The following EPAS1 variants were observed in gnomAD, a reference collection of about 807,000 sequenced individuals.
EPAS1 encodes the protein endothelial PAS domain protein 1, also known as endothelial PAS domain-containing protein 1.
In EPAS1, 23 loss-of-function variants were observed where a neutral mutation model predicts 87.9. That is an observed-to-expected ratio of 0.26 (90% CI 0.19 to 0.37). The LOEUF (loss-of-function observed/expected upper bound fraction) is 0.37, where lower values mean the gene tolerates loss of function less well. Among genes scored for constraint, EPAS1 ranks in the 10% least tolerant of loss-of-function variants. The pLI is 1.00. For missense variants in EPAS1, 1,138 were observed against 1,120.7 expected (o/e 1.02, Z -0.22); for synonymous variants, 508 against 444.3 (o/e 1.14, Z -1.80).
chr2:46,341,878 A>G (rs73926264), intron 1 of EPAS1, among the ~76,000 whole-genome samples: 2,075 of 152,318 alleles, frequency 0.014, 45 homozygotes, highest in African/African-American at 0.045. Flanking sequence ...ATCTGGCCCC[A>G]GTGCTCAATA....
At chr2:46,335,062 T>G (rs975979310) in intron 1 of EPAS1, among the ~76,000 whole-genome samples, 3 of 152,166 alleles carry the variant, frequency 2.0e-5, no homozygotes, top group African/African-American at 7.2e-5. Flanking sequence ...CTTTCTTTGC[T>G]TTCCTTTTTT....
chr2:46,375,711 T>C lies in EPAS1; in HGVS notation c.908T>C (p.Val303Ala). 1 of 1,614,142 alleles carries C rather than the reference T, an allele frequency of 6.2e-7. No homozygotes were observed. ...CTAGTGTGCACCAAGGGTCAGGTAGTAAGTGGCCAGTACCGGATGCTCGCA... is the reference window on the plus strand; with the variant it reads ...CTAGTGTGCACCAAGGGTCAGGTAGCAAGTGGCCAGTACCGGATGCTCGCA... ...HQNLCTKGQVVSGQYRMLAKH... is the reference protein window; with the variant it reads ...HQNLCTKGQVASGQYRMLAKH... Residue 303 changes from valine (V) to alanine (A), a missense_variant, in exon 8 of 16, where the codon GTA becomes GCA. Val to Ala is a moderately conservative substitution (Grantham distance 64). Around this residue, in one of 4 missense-constraint regions of EPAS1, gnomAD observed 351 missense variants for 417.1 expected, o/e 0.84. Transcript: ENST00000263734. The surrounding 1 kb of genome is among the most constrained non-coding windows in gnomAD (Gnocchi z 4.1).
chr2:46,337,057 A>G lies in EPAS1; in HGVS notation c.27-9816A>G, dbSNP rs115451372. On this transcript the variant is annotated intron_variant, in intron 1 of 15. Transcript: ENST00000263734. ...GGGTTAGAATTCTTAGGAAAGATCT[A>G]GAACAGTGAGCAGCTTTGAGGAATC... Among the ~76,000 whole-genome samples, 1,059 of 152,376 alleles carry G rather than the reference A, an allele frequency of 6.9e-3. 7 individuals carry two copies. The highest frequency in any genetic ancestry group is 0.011 in the Non-Finnish European group (734 of 68,028).
chr2:46,356,320 C>T lies in EPAS1; in HGVS notation c.369+18C>T, dbSNP rs756841597. The T allele has an allele frequency of 5.6e-6, 9 of 1,614,002 alleles. No individual in the cohort carries two copies. Among genetic ancestry groups the T allele is most frequent in the Non-Finnish European group, 6.8e-6 (8 of 1,179,964 alleles). On this transcript the variant is annotated intron_variant, in intron 3 of 15. Transcript: ENST00000263734. ...TTACACAGGTGACACCCTCCTCTAT[C>T]TCTTTCAAAAGAAGAAATGTTTCCA... is the stretch of plus-strand genomic sequence containing the variant.
At chr2:46,344,051 G>T (rs897081156) in intron 1 of EPAS1, among the ~76,000 whole-genome samples, 1 of 152,232 alleles carries the variant, frequency 6.6e-6, no homozygotes, top group Admixed American at 6.5e-5. Flanking sequence ...TTGGCTTTGT[G>T]ACATTGGGCA....
chr2:46,349,389 CAT>C (rs1242873877), intron 2 of EPAS1, among the ~76,000 whole-genome samples: 4 of 152,200 alleles, frequency 2.6e-5, no homozygotes, highest in African/African-American at 9.7e-5. Context: ...TGTGAGCCCT[CAT>C]GTGCTGATGG....
rs541953867 is a variant in EPAS1, at chr2:46,355,049, C to T, written c.218-1102C>T. ...CACCCCAAAGCGACCCCCTCGTCCT[C>T]TGACCCCTTAGAGCTCTTCCCATCT... is the stretch of plus-strand genomic sequence containing the variant. On this transcript the variant is annotated intron_variant, in intron 2 of 15. Coordinates refer to ENST00000263734, the MANE Select transcript of EPAS1 (RefSeq NM_001430.5). Among the ~76,000 whole-genome samples the T allele has an allele frequency of 2.0e-5, 3 of 152,084 alleles. No individual in the cohort carries two copies. In the South Asian group the frequency reaches 6.2e-4, roughly 32 times the overall value.
chr2:46,384,851 A>G lies in EPAS1; in HGVS notation c.*191A>G. 2.9e-6 allele frequency: 2 copies of G among 680,976 alleles called. No individual in the cohort carries two copies. The highest frequency in any genetic ancestry group is 4.9e-6 in the Non-Finnish European group (2 of 406,594). 42.2% of individuals were successfully genotyped at this position (680,976 alleles called of 1,614,324 possible). A position where few individuals can be genotyped will look rare whatever the true frequency, so the allele number is the denominator to read the frequency against. ...TGCTCACTTTATTATCCCTATTTTT[A>G]AAGTACACAATTGTTTTACCTGTTC... On this transcript the variant is annotated 3_prime_UTR_variant, in exon 16 of 16. Transcript: ENST00000263734.
Position 46,347,128 on chromosome 2 carries a change from G to A in EPAS1, c.217+65G>A. 1 of 1,591,778 alleles carries A rather than the reference G, an allele frequency of 6.3e-7. No individual in the cohort carries two copies. Among genetic ancestry groups the A allele is most frequent in the Non-Finnish European group, 8.6e-7 (1 of 1,160,282 alleles). On this transcript the variant is annotated intron_variant, in intron 2 of 15. Transcript: ENST00000263734. The surrounding 1 kb of genome is among the most constrained non-coding windows in gnomAD (Gnocchi z 4.2). The stretch of plus-strand genomic sequence containing the variant: ...CCTTACCAGCATGTTCCTATATGCA[G>A]GGGACCCTTCTGCTGCCAGAGCTGG...
rs1021241552 is a variant in EPAS1 at position 46,380,089 on chromosome 2, T to G, written c.1555-138T>G. 1 of 1,424,622 alleles carries G rather than the reference T, an allele frequency of 7.0e-7. No homozygotes were observed. The highest frequency in any genetic ancestry group is 1.4e-5 in the African/African-American group (1 of 71,204). 88.2% of individuals were successfully genotyped at this position (1,424,622 alleles called of 1,614,324 possible). ...AGTCTGAGGTTTTCCTGATAGGCCC[T>G]CGGGAGCCAGTGGAGGCGTTTGAGC... On this transcript the variant is annotated intron_variant, in intron 11 of 15. Coordinates refer to ENST00000263734, the MANE Select transcript of EPAS1 (RefSeq NM_001430.5). This position sits in a 1 kb window ranked among gnomAD's most constrained non-coding sequence, Gnocchi z 4.4.
intron 1 of EPAS1, among the ~76,000 whole-genome samples, chr2:46,332,309 TGTG>T (rs1203220177): frequency 1.4e-4 from 19 of 137,310 alleles, no homozygotes; most frequent in African/African-American, 4.7e-4. Context: ...TGTGTGTGTG[TGTG>T]TGTGTGTGTG....
intron 7 of EPAS1, among the ~76,000 whole-genome samples, chr2:46,374,262 C>T (rs375300133): frequency 6.6e-6 from 1 of 152,138 alleles, no homozygotes; most frequent in African/African-American, 2.4e-5. Context: ...CCAGGAGAAC[C>T]GGGGAGACTC....
At chr2:46,332,291 CGTGTGTGTGTGTGTGTGTGTGT>C (rs57893491) in intron 1 of EPAS1, among the ~76,000 whole-genome samples, 1 of 110,800 alleles carries the variant, frequency 9.0e-6, no homozygotes, top group Non-Finnish European at 2.0e-5. Flanking sequence ...AAAAAAAATA[CGTGTGTGTGTGTGTGTGTGTGT>C]GTGTGTGTGT....
chr2:46,317,866 C>A (rs1683372678), intron 1 of EPAS1, among the ~76,000 whole-genome samples: 1 of 152,210 alleles, frequency 6.6e-6, no homozygotes, highest in Non-Finnish European at 1.5e-5. Context: ...TGTCTTCTTT[C>A]CTTAAATGTG....
chr2:46,354,147 G>C (rs577883950), intron 2 of EPAS1, among the ~76,000 whole-genome samples: 6 of 152,330 alleles, frequency 3.9e-5, no homozygotes, highest in African/African-American at 1.4e-4. Flanking sequence ...CCAGGAAAAA[G>C]ATAAAAGAGA....
intron 6 of EPAS1, among the ~76,000 whole-genome samples, chr2:46,364,824 C>A (rs1251067071): frequency 6.6e-6 from 1 of 152,174 alleles, no homozygotes; most frequent in Non-Finnish European, 1.5e-5. Context: ...TACTGAGCAA[C>A]CAGTTACGAA....
intron 14 of EPAS1, 25 bp downstream of exon 14, chr2:46,382,114 C>A (rs1043271111): frequency 5.0e-6 from 8 of 1,605,528 alleles, no homozygotes; most frequent in African/African-American, 4.0e-5. Context: ...CAGGCCTGGG[C>A]CTCCTGGGGG....
chr2:46,343,241 T>A (rs1268711593), intron 1 of EPAS1, among the ~76,000 whole-genome samples: 1 of 152,190 alleles, frequency 6.6e-6, no homozygotes, highest in African/African-American at 2.4e-5. Context: ...TTAGTCCTAC[T>A]CTTAACATTC....
At position 46,356,162 on chromosome 2, in the gene EPAS1, A is replaced by G; in HGVS notation, c.229A>G (p.Asn77Asp). 6.7e-7 allele frequency: 1 copy of G among 1,501,116 alleles called. No individual in the cohort carries two copies. Among genetic ancestry groups the G allele is most frequent in the East Asian group, 2.3e-5 (1 of 43,298 alleles). 93.0% of individuals were successfully genotyped at this position (1,501,116 alleles called of 1,614,324 possible). Residue 77 changes from asparagine (N) to aspartate (D), a missense_variant, in exon 3 of 16, where the codon AAC (asparagine) becomes GAC (aspartate). Physicochemically the swap from Asn to Asp is conservative, Grantham distance 23. Around this residue, in one of 4 missense-constraint regions of EPAS1, gnomAD observed 351 missense variants for 417.1 expected, o/e 0.84. Coordinates refer to ENST00000263734, the MANE Select transcript of EPAS1 (RefSeq NM_001430.5). The stretch of plus-strand genomic sequence containing the variant: ...CCCCCCCTTTCCAGTTTGCTCTGAA[A>G]ACGAGTCCGAAGCCGAAGCTGACCA... The part of the protein sequence containing the change: ...HKLLSSVCSE[N>D]ESEAEADQQM...
Sources: gnomAD v4.1 joint callset for allele counts (sites outside exome capture counted in the v4.1 genomes callset) on GRCh38, gnomAD v4.1.1 for gene constraint, gnomAD v4.1.1 regional missense constraint, Gnocchi (gnomAD v3.1) non-coding constraint, MANE v1.5 for transcripts, NCBI Gene and HGNC (gene_info 2026-07-23, HGNC 2026-07-21) for gene names.